Variants in PCSK5 observed in about 807,000 individuals in gnomAD.
PCSK5 encodes the protein prohormone convertase 5.
A neutral mutation model predicts 233.2 loss-of-function variants in PCSK5; 129 were observed. The ratio of observed to expected loss-of-function variants is 0.55; its 90% CI spans 0.48 to 0.64. The LOEUF is 0.64. Among genes scored for constraint, PCSK5 ranks in the 30% least tolerant of loss-of-function variants. The probability of loss-of-function intolerance (pLI) is 0.00; values close to 1 mark genes in which losing one functional copy is unlikely to be tolerated. For missense variants in PCSK5, 2,076 were observed against 2,430.1 expected (o/e 0.85, Z 3.06); for synonymous variants, 825 against 879.2 (o/e 0.94, Z 1.09).
At chr9:76,308,755 G>A (rs752910555) in intron 29 of PCSK5, 27 bp downstream of exon 29, 2 of 1,493,946 alleles carry the variant, frequency 1.3e-6, no homozygotes, top group East Asian at 2.3e-5. Flanking sequence ...ACAGAAGATG[G>A]CAGCAGTCAA....
At position 76,296,578 on chromosome 9, in the gene PCSK5, T is replaced by A. The variant is rs777276341; in HGVS notation, c.3323-87T>A. On this transcript the variant is annotated intron_variant, in intron 26 of 37. Transcript: ENST00000674117. ...ATAAAAACAAATGCAAAGAAAAATG[T>A]CCCTAAAATTTCCTCCAGCCTCTTT... is the stretch of plus-strand genomic sequence containing the variant. 2.4e-5 allele frequency: 18 copies of A among 761,226 alleles called. 1 individual carries two copies. In the South Asian group the frequency reaches 3.0e-4, roughly 13 times the overall value. 47.2% of individuals were successfully genotyped at this position (761,226 alleles called of 1,614,324 possible). A position where few individuals can be genotyped will look rare whatever the true frequency, so the allele number is the denominator to read the frequency against.
At chr9:76,215,701 G>A (rs374337451) in intron 20 of PCSK5, among the ~76,000 whole-genome samples, 39 of 152,212 alleles carry the variant, frequency 2.6e-4, no homozygotes, top group South Asian at 2.1e-3. Context: ...GCAGGCAGGC[G>A]ATCCTTCTCT....
At chr9:75,930,027 TG>T (rs1823708828) in intron 1 of PCSK5, among the ~76,000 whole-genome samples, 1 of 152,108 alleles carries the variant, frequency 6.6e-6, no homozygotes, top group Admixed American at 6.6e-5. Context: ...CACGCCCAGC[TG>T]ATTTTTGTAT....
intron 4 of PCSK5, among the ~76,000 whole-genome samples, chr9:76,026,272 C>A (rs1167046943): frequency 6.6e-6 from 1 of 152,106 alleles, no homozygotes; most frequent in Non-Finnish European, 1.5e-5. Context: ...TCTGGAGATA[C>A]TGTTTCCTCA....
rs3077145 is a variant in PCSK5 at position 76,292,218 on chromosome 9, A to ATT, written c.3143-6_3143-5dup. The ATT allele has an allele frequency of 2.4e-3, 3,420 of 1,397,534 alleles. No individual in the cohort carries two copies. The highest frequency in any genetic ancestry group is 3.0e-3 in the Non-Finnish European group (3,009 of 1,000,962). The allele number at this position is 1,397,534 out of a possible 1,614,324, so 86.6% of individuals were successfully genotyped here. On this transcript the variant is annotated splice_polypyrimidine_tract_variant and intron_variant, in intron 24 of 37. Coordinates refer to ENST00000674117, the MANE Select transcript of PCSK5 (RefSeq NM_001372043.1). Reference sequence around the variant, plus strand: ...TTCCTCATGATTATTACTTTTTATTATTTTTTTTTTCCAGATGATCCAGGA... The same window carrying ATT: ...TTCCTCATGATTATTACTTTTTATTATTTTTTTTTTTTCCAGATGATCCAGGA...
Position 75,891,206 on chromosome 9 carries a change from T to A in PCSK5, c.25T>A (p.Cys9Ser), listed in dbSNP as rs1308889835. MGWGSRCC[C>S]PGRLDLLCVL... ...CATGGGCTGGGGGAGCCGCTGCTGC[T>A]GCCCGGGACGTTTGGACCTGCTGTG... is the stretch of plus-strand genomic sequence containing the variant. Residue 9 changes from cysteine (C) to serine (S), a missense_variant, in exon 1 of 38, where the codon TGC becomes AGC. Cys to Ser is a moderately radical substitution (Grantham distance 112). This residue lies in a region of PCSK5 where 190 missense variants were observed against 216.3 expected (regional missense o/e 0.88). Coordinates refer to ENST00000674117, the MANE Select transcript of PCSK5 (RefSeq NM_001372043.1). 7 of 1,488,954 alleles carry A rather than the reference T, an allele frequency of 4.7e-6. No individual in the cohort carries two copies. Among genetic ancestry groups the A allele is most frequent in the Non-Finnish European group, 6.2e-6 (7 of 1,128,002 alleles). The allele number at this position is 1,488,954 out of a possible 1,614,324, so 92.2% of individuals were successfully genotyped here.
chr9:76,041,393 T>G (rs2131531757), intron 5 of PCSK5, among the ~76,000 whole-genome samples: 1 of 152,268 alleles, frequency 6.6e-6, no homozygotes, highest in Admixed American at 6.5e-5. Flanking sequence ...ATTAGTGAGC[T>G]CCTTGCAAGC....
Position 76,102,918 on chromosome 9 carries a change from A to G in PCSK5, c.1108-4333A>G, listed in dbSNP as rs59929472. Among the ~76,000 whole-genome samples, 275 of 152,322 alleles carry G rather than the reference A, an allele frequency of 1.8e-3. 1 individual carries two copies. The highest frequency in any genetic ancestry group is 5.4e-3 in the African/African-American group (226 of 41,574). Reference sequence around the variant, plus strand: ...CTCTTGGTACATGGAACTGAGCTGAACATTATGGAGATACAAAAGTGATGT... The same window carrying G: ...CTCTTGGTACATGGAACTGAGCTGAGCATTATGGAGATACAAAAGTGATGT... On this transcript the variant is annotated intron_variant, in intron 8 of 37. Coordinates refer to ENST00000674117, the MANE Select transcript of PCSK5 (RefSeq NM_001372043.1).
At chr9:75,940,819 G>C (rs1427526360) in intron 2 of PCSK5, among the ~76,000 whole-genome samples, 2 of 152,162 alleles carry the variant, frequency 1.3e-5, no homozygotes, top group African/African-American at 2.4e-5. Context: ...GATCCATGGA[G>C]GCAACCATCA....
chr9:76,214,231 T>C (rs1413423830), intron 20 of PCSK5, among the ~76,000 whole-genome samples: 1 of 151,906 alleles, frequency 6.6e-6, no homozygotes, highest in Non-Finnish European at 1.5e-5. Context: ...GGCAAGCAAA[T>C]AGTTCCAGAT....
intron 1 of PCSK5, among the ~76,000 whole-genome samples, chr9:75,926,664 T>C (rs1823504868): frequency 6.6e-6 from 1 of 152,202 alleles, no homozygotes; most frequent in Non-Finnish European, 1.5e-5. Context: ...TTTATCTGTC[T>C]TAGAATTTTA....
At chr9:76,156,200 G>A (rs749397635) in intron 10 of PCSK5, among the ~76,000 whole-genome samples, 5 of 146,432 alleles carry the variant, frequency 3.4e-5, no homozygotes, top group Non-Finnish European at 7.6e-5. Context: ...GTGCCAACTG[G>A]AATTTTAAAG....
intron 20 of PCSK5, among the ~76,000 whole-genome samples, chr9:76,215,688 A>AAGGC (rs1359654318): frequency 1.3e-5 from 2 of 152,078 alleles, no homozygotes; most frequent in African/African-American, 4.8e-5. Flanking sequence ...TTGGGAGACC[A>AAGGC]AGGCAGGCAG....
chr9:76,104,774 A>C (rs1376146076), intron 8 of PCSK5, among the ~76,000 whole-genome samples: 1 of 152,216 alleles, frequency 6.6e-6, no homozygotes, highest in Non-Finnish European at 1.5e-5. Context: ...AATATCATGA[A>C]AAATCTTGAA....
At chr9:76,302,695 A>G (rs1277357630) in intron 28 of PCSK5, among the ~76,000 whole-genome samples, 2 of 152,338 alleles carry the variant, frequency 1.3e-5, no homozygotes, top group Admixed American at 6.5e-5. Flanking sequence ...TTCTGTACTG[A>G]TAAAGAATGA....
At chr9:76,105,338 A>T (rs1472592078) in intron 8 of PCSK5, among the ~76,000 whole-genome samples, 1 of 152,240 alleles carries the variant, frequency 6.6e-6, no homozygotes, top group Non-Finnish European at 1.5e-5. Context: ...AATCAAACAC[A>T]TAGCAGTAGA....
At chr9:76,063,319 CTTTTTTTTTTT>C (rs1157596601) in intron 5 of PCSK5, among the ~76,000 whole-genome samples, 8 of 59,676 alleles carry the variant, frequency 1.3e-4, no homozygotes, top group African/African-American at 1.9e-4. Flanking sequence ...TTTCTTTTTT[CTTTTTTTTTTT>C]TTTTTTTTTT....
At chr9:75,951,492 A>G (rs1000784820) in intron 2 of PCSK5, among the ~76,000 whole-genome samples, 4 of 152,244 alleles carry the variant, frequency 2.6e-5, no homozygotes, top group Non-Finnish European at 5.9e-5. Flanking sequence ...ACAGTTCTGC[A>G]GTTGTGGTAT....
intron 35 of PCSK5, among the ~76,000 whole-genome samples, chr9:76,345,687 G>T (rs1829961204): frequency 6.6e-6 from 1 of 152,016 alleles, no homozygotes; most frequent in Admixed American, 6.6e-5. Flanking sequence ...CTCCCAAAGT[G>T]CTGGGATTAC....
Sources: allele counts gnomAD v4.1 joint callset (sites outside exome capture counted in the v4.1 genomes callset), GRCh38; gene constraint gnomAD v4.1.1; regional missense constraint gnomAD v4.1.1; transcripts MANE v1.5; gene names NCBI Gene and HGNC (gene_info 2026-07-23, HGNC 2026-07-21).